Variants in PRRC2B observed in about 807,000 individuals in gnomAD.
PRRC2B encodes proline rich coiled-coil 2B.
Under a neutral mutation model 242.3 loss-of-function variants are expected in PRRC2B, and 68 were observed. The ratio of observed to expected loss-of-function variants is 0.28; its 90% CI spans 0.23 to 0.34. PRRC2B has a LOEUF of 0.34. Ranked by LOEUF, PRRC2B falls within the 10% of genes least tolerant of loss-of-function variation. The pLI is 1.00. For missense variants in PRRC2B, 2,835 were observed against 2,954.8 expected (o/e 0.96, Z 0.94); for synonymous variants, 1,228 against 1,173.6 (o/e 1.05, Z -0.95).
In PRRC2B at chr9:131,447,086, T is replaced by C; in HGVS notation, c.857T>C (p.Met286Thr). The change falls in exon 8 of 32, where the codon ATG becomes ACG. Residue 286 changes from methionine (M) to threonine (T), a missense_variant and splice_region_variant. Physicochemically the swap from Met to Thr is moderately conservative, Grantham distance 81 (BLOSUM62 -1). Around this residue, in one of 7 missense-constraint regions of PRRC2B, gnomAD observed 626 missense variants for 685.5 expected, o/e 0.91. Coordinates refer to ENST00000683519, the MANE Select transcript of PRRC2B (RefSeq NM_013318.4). Reference protein sequence around the residue: ...PTYHDMLPAFMCSPKSSENQG... With the variant: ...PTYHDMLPAFTCSPKSSENQG... ...CTGTTCATTGATGTTATGTTTCAGA[T>C]GTGTTCGCCGAAGTCATCAGAAAAC... The C allele has an allele frequency of 6.2e-7, 1 of 1,614,028 alleles. No individual in the cohort carries two copies. The highest frequency in any genetic ancestry group is 1.3e-5 in the African/African-American group (1 of 75,044).
Position 131,446,409 on chromosome 9 carries a change from A to C in PRRC2B, c.622A>C (p.Ser208Arg), listed in dbSNP as rs1195220839. 13 of 1,613,282 alleles carry C rather than the reference A, an allele frequency of 8.1e-6. No homozygotes were observed. Among genetic ancestry groups the C allele is most frequent in the Non-Finnish European group, 1.1e-5 (13 of 1,179,820 alleles). ...GPSLRPQNVTSWREGGGRHII... is the reference protein window; with the variant it reads ...GPSLRPQNVTRWREGGGRHII... ...CCCCTTTCAATTTCCAGATGTGACA[A>C]GCTGGAGGGAGGGCGGTGGGCGACA... is the stretch of plus-strand genomic sequence containing the variant. The change falls in exon 7 of 32, where the codon AGC becomes CGC. Residue 208 changes from serine to arginine, a missense_variant. This residue lies in a region of PRRC2B where 626 missense variants were observed against 685.5 expected (regional missense o/e 0.91). Coordinates refer to ENST00000683519, the MANE Select transcript of PRRC2B (RefSeq NM_013318.4). The surrounding 1 kb of genome is among the most constrained non-coding windows in gnomAD (Gnocchi z 4.1).
chr9:131,427,744 A>G (rs1233867513), intron 1 of PRRC2B, among the ~76,000 whole-genome samples: 2 of 152,166 alleles, frequency 1.3e-5, no homozygotes, highest in Non-Finnish European at 2.9e-5. Flanking sequence ...TGAAATGGCA[A>G]ACCTTGCTTC....
chr9:131,464,777 C>A lies in PRRC2B; in HGVS notation c.1419C>A (p.Gly473=). 6.3e-7 allele frequency: 1 copy of A among 1,596,062 alleles called. No individual in the cohort carries two copies. The highest frequency in any genetic ancestry group is 8.6e-7 in the Non-Finnish European group (1 of 1,168,416). The change falls in exon 12 of 32, where the codon GGC becomes GGA. Residue 473 remains glycine, a synonymous_variant. Transcript: ENST00000683519. ...PGPDYQKSSM[G]SMFRQQSIED... is the part of the protein sequence containing the mutation. Reference sequence around the variant, plus strand: ...TCTCTTGGCAGAAGTCATCAATGGGCAGCATGTTCCGGCAACAGTCCATCG... The same window carrying A: ...TCTCTTGGCAGAAGTCATCAATGGGAAGCATGTTCCGGCAACAGTCCATCG...
At position 131,432,629 on chromosome 9, in the gene PRRC2B, A is replaced by G; in HGVS notation, c.128A>G (p.His43Arg). The G allele has an allele frequency of 1.9e-6, 3 of 1,608,036 alleles. No individual in the cohort carries two copies. Among genetic ancestry groups the G allele is most frequent in the Non-Finnish European group, 2.6e-6 (3 of 1,176,364 alleles). ...DAIRSSVIPR[H>R]GLQSLGKVAA... ...CCTCTCCCTGCAGTTATTCCTAGAC[A>G]TGGCTTACAGAGTCTTGGGAAAGTT... The change falls in exon 3 of 32, where the codon CAT becomes CGT. Residue 43 changes from histidine (H) to arginine (R), a missense_variant. Physicochemically the swap from His to Arg is conservative, Grantham distance 29. This residue lies in a region of PRRC2B where 626 missense variants were observed against 685.5 expected (regional missense o/e 0.91). Transcript: ENST00000683519.
At chr9:131,463,035 G>T (rs1347917598) in intron 11 of PRRC2B, among the ~76,000 whole-genome samples, 1 of 152,056 alleles carries the variant, frequency 6.6e-6, no homozygotes, top group Non-Finnish European at 1.5e-5. Context: ...AAGGCTATGT[G>T]CAGTGGTGTA....
At chr9:131,485,985 C>A in intron 25 of PRRC2B, 100 bp from the exon 26 acceptor site, 1 of 847,320 alleles carries the variant, frequency 1.2e-6, no homozygotes, top group Non-Finnish European at 2.0e-6. Context: ...CCCACTGAGT[C>A]CCCTGGGTAG....
At chr9:131,388,221 C>T (rs1241794576) in intron 1 of PRRC2B, among the ~76,000 whole-genome samples, 5 of 144,182 alleles carry the variant, frequency 3.5e-5, no homozygotes, top group African/African-American at 1.0e-4. Flanking sequence ...AAATTAATTT[C>T]ATCAACTTTT....
At chr9:131,490,850 C>T (rs1048538815) in intron 28 of PRRC2B, 2 of 316,578 alleles carry the variant, frequency 6.3e-6, no homozygotes, top group African/African-American at 2.2e-5. Context: ...TGGGACTTGG[C>T]TTCGCCATTA....
At chr9:131,491,960 C>T (rs1172831893) in intron 29 of PRRC2B, among the ~76,000 whole-genome samples, 2 of 152,212 alleles carry the variant, frequency 1.3e-5, no homozygotes, top group Non-Finnish European at 2.9e-5. Context: ...CAGGGGTCCC[C>T]AGTCCCCGGG....
intron 1 of PRRC2B, among the ~76,000 whole-genome samples, chr9:131,416,054 G>A (rs1253407014): frequency 6.6e-6 from 1 of 151,256 alleles, no homozygotes; most frequent in African/African-American, 2.4e-5. Context: ...TTATCCCATC[G>A]CTCATTTTCT....
At chr9:131,483,253 G>A (rs1374738477) in intron 22 of PRRC2B, 106 bp from the exon 23 acceptor site, 2 of 1,069,342 alleles carry the variant, frequency 1.9e-6, no homozygotes, top group Middle Eastern at 2.0e-4. Context: ...ATGCTGCTCA[G>A]TGGAGTTTTT....
At chr9:131,376,235 T>TCCCAG (rs1276930775) in intron 1 of PRRC2B, among the ~76,000 whole-genome samples, 1 of 151,190 alleles carries the variant, frequency 6.6e-6, no homozygotes, top group Non-Finnish European at 1.5e-5. Context: ...GCGTCTGTAA[T>TCCCAG]CCCAGCTAAT....
In PRRC2B at chr9:131,496,061, ATTGACCCGCTTGCT is replaced by A; in HGVS notation, c.*192_*205del. On this transcript the variant is annotated 3_prime_UTR_variant, in exon 32 of 32. Coordinates refer to ENST00000683519, the MANE Select transcript of PRRC2B (RefSeq NM_013318.4). The stretch of plus-strand genomic sequence containing the variant: ...CAGCTTGCACCCGTGGATATATGGC[ATTGACCCGCTTGCT>A]TTGATACGAAACAAAAAAGCAGACG... The A allele has an allele frequency of 1.4e-6, 1 of 718,280 alleles. No individual in the cohort carries two copies. Among genetic ancestry groups the A allele is most frequent in the Non-Finnish European group, 2.2e-6 (1 of 449,834 alleles). 44.5% of individuals were successfully genotyped at this position (718,280 alleles called of 1,614,324 possible).
intron 1 of PRRC2B, among the ~76,000 whole-genome samples, chr9:131,395,051 T>A (rs567700355): frequency 6.6e-6 from 1 of 152,056 alleles, no homozygotes; most frequent in African/African-American, 2.4e-5. Flanking sequence ...AAGAGTGGAT[T>A]TGCCTTAAGA....
chr9:131,441,839 G>A (rs1838590176), intron 5 of PRRC2B, among the ~76,000 whole-genome samples: 1 of 152,220 alleles, frequency 6.6e-6, no homozygotes, highest in Non-Finnish European at 1.5e-5. Flanking sequence ...GATACCAGCT[G>A]CTGCCCCACC....
intron 1 of PRRC2B, among the ~76,000 whole-genome samples, chr9:131,406,893 T>A (rs955647085): frequency 2.6e-5 from 4 of 152,220 alleles, no homozygotes; most frequent in African/African-American, 9.6e-5. Flanking sequence ...TGTTTCTTTA[T>A]AATATCAAGA....
At chr9:131,432,013 C>G (rs184949322) in intron 2 of PRRC2B, among the ~76,000 whole-genome samples, 2 of 152,170 alleles carry the variant, frequency 1.3e-5, no homozygotes, top group Admixed American at 1.3e-4. Flanking sequence ...AGGCTGGTCT[C>G]GAACTCCTGG....
upstream of PRRC2B, among the ~76,000 whole-genome samples, chr9:131,390,997 G>A (rs1016213289): frequency 1.3e-5 from 2 of 151,704 alleles, no homozygotes; most frequent in Non-Finnish European, 2.9e-5. Context: ...ATGTTGGTCA[G>A]GCTGGTCTCG....
At chr9:131,393,810 C>G (rs1468667211), upstream of PRRC2B, among the ~76,000 whole-genome samples, 4 of 151,800 alleles carry the variant, frequency 2.6e-5, no homozygotes, top group Non-Finnish European at 5.9e-5. Context: ...TCCCCGATCC[C>G]CGCTCTGCCC....
Sources: gnomAD v4.1 joint callset for allele counts (sites outside exome capture counted in the v4.1 genomes callset) on GRCh38, gnomAD v4.1.1 for gene constraint, gnomAD v4.1.1 regional missense constraint, Gnocchi (gnomAD v3.1) non-coding constraint, MANE v1.5 for transcripts, NCBI Gene and HGNC (gene_info 2026-07-23, HGNC 2026-07-21) for gene names.